The following NPAS3 variants were observed in gnomAD, a reference collection of about 807,000 sequenced individuals.
NPAS3 encodes neuronal PAS domain protein 3.
In NPAS3, 14 loss-of-function variants were observed where a neutral mutation model predicts 73.1. The ratio of observed to expected loss-of-function variants is 0.19; its 90% CI spans 0.13 to 0.30. The LOEUF (loss-of-function observed/expected upper bound fraction) is 0.30. Among genes scored for constraint, NPAS3 ranks in the 10% least tolerant of loss-of-function variants. The probability of loss-of-function intolerance (pLI) is 1.00; values close to 1 mark genes in which losing one functional copy is unlikely to be tolerated. For synonymous variants in NPAS3, 620 were observed against 541.5 expected, an observed-to-expected ratio of 1.14 and a Z score of -2.01; for missense variants, 1,096 against 1,250.0, an observed-to-expected ratio of 0.88 and a Z score of 1.86.
chr14:32,966,890 A>G (rs1386769154), intron 1 of NPAS3, among the ~76,000 whole-genome samples: 2 of 152,224 alleles, frequency 1.3e-5, no homozygotes, highest in African/African-American at 4.8e-5. Flanking sequence ...TAAGACCTCA[A>G]AAAGCACAGG....
intron 6 of NPAS3, among the ~76,000 whole-genome samples, chr14:33,687,806 A>T (rs1302389471): frequency 6.6e-6 from 1 of 152,168 alleles, no homozygotes; most frequent in African/African-American, 2.4e-5. Context: ...GCTTTGTCCT[A>T]GATTCCGGGA....
chr14:33,048,756 C>A (rs987626003), intron 1 of NPAS3, among the ~76,000 whole-genome samples: 2 of 152,214 alleles, frequency 1.3e-5, no homozygotes, highest in Non-Finnish European at 2.9e-5. Flanking sequence ...TGAGCACAGT[C>A]ATCTCAAAAT....
At chr14:33,553,747 T>A (rs570776717) in intron 4 of NPAS3, among the ~76,000 whole-genome samples, 1 of 152,366 alleles carries the variant, frequency 6.6e-6, no homozygotes, top group South Asian at 2.1e-4. Flanking sequence ...TAGATTCTTA[T>A]TCCTGAAAAT....
intron 4 of NPAS3, among the ~76,000 whole-genome samples, chr14:33,514,527 G>A (rs2053211156): frequency 6.6e-6 from 1 of 151,994 alleles, no homozygotes; most frequent in Non-Finnish European, 1.5e-5. Context: ...TAAGTAAGTT[G>A]ATGAGGAAGC....
Position 33,618,857 on chromosome 14 carries a change from A to G in NPAS3, c.559-57354A>G, listed in dbSNP as rs187897002. 3.3e-4 allele frequency among the ~76,000 whole-genome samples: 51 copies of G among 152,346 alleles called. No homozygotes were observed. In the East Asian group the frequency reaches 8.9e-3, roughly 26 times the overall value. Reference sequence around the variant, plus strand: ...TTGAATTAGCAATCAAACAAAGCAGACCTTCCGCAGTTGAAGAAGGCTCAT... The same window carrying G: ...TTGAATTAGCAATCAAACAAAGCAGGCCTTCCGCAGTTGAAGAAGGCTCAT... On this transcript the variant is annotated intron_variant, in intron 5 of 11. Transcript: ENST00000356141.
At chr14:33,649,825 A>T (rs901709684) in intron 5 of NPAS3, among the ~76,000 whole-genome samples, 2 of 152,234 alleles carry the variant, frequency 1.3e-5, no homozygotes, top group African/African-American at 2.4e-5. Flanking sequence ...ATGACAACAG[A>T]AATAATGAAG....
chr14:33,022,450 G>T (rs1347560548), intron 1 of NPAS3, among the ~76,000 whole-genome samples: 1 of 152,082 alleles, frequency 6.6e-6, no homozygotes, highest in Non-Finnish European at 1.5e-5. Flanking sequence ...GGATCACGAG[G>T]TCAGGAGATC....
intron 4 of NPAS3, among the ~76,000 whole-genome samples, chr14:33,441,765 C>A (rs772115200): frequency 8.5e-5 from 13 of 152,152 alleles, no homozygotes; most frequent in Non-Finnish European, 1.5e-4. Flanking sequence ...GGAGGCCTCA[C>A]AATCATGGCT....
At chr14:33,394,396 ACT>A (rs1312280154) in intron 4 of NPAS3, among the ~76,000 whole-genome samples, 3 of 151,994 alleles carry the variant, frequency 2.0e-5, no homozygotes, top group African/African-American at 7.3e-5. Context: ...ACTTAATATC[ACT>A]CTTTACAATA....
chr14:33,340,416 A>C (rs2044419089), intron 3 of NPAS3, among the ~76,000 whole-genome samples: 1 of 152,136 alleles, frequency 6.6e-6, no homozygotes, highest in Non-Finnish European at 1.5e-5. Flanking sequence ...AATCTCTTGA[A>C]CCTGGGAGGC....
chr14:33,308,638 A>G (rs1395623753), intron 3 of NPAS3, among the ~76,000 whole-genome samples: 1 of 150,886 alleles, frequency 6.6e-6, no homozygotes, highest in Non-Finnish European at 1.5e-5. Flanking sequence ...AGGGATATAT[A>G]TTTTATTTTT....
At chr14:33,277,701 G>A (rs1395147814) in intron 3 of NPAS3, among the ~76,000 whole-genome samples, 1 of 152,102 alleles carries the variant, frequency 6.6e-6, no homozygotes, top group Non-Finnish European at 1.5e-5. Context: ...AGCCCTCATG[G>A]GAGTAGGCTT....
chr14:33,427,766 A>C (rs1160295457), intron 4 of NPAS3, among the ~76,000 whole-genome samples: 1 of 152,114 alleles, frequency 6.6e-6, no homozygotes, highest in Non-Finnish European at 1.5e-5. Context: ...GGGCTGGCAC[A>C]TATAGGTGCT....
intron 3 of NPAS3, among the ~76,000 whole-genome samples, chr14:33,311,939 T>A (rs1217238116): frequency 6.6e-6 from 1 of 152,082 alleles, no homozygotes; most frequent in Non-Finnish European, 1.5e-5. Context: ...AGGCATGATA[T>A]GTTTTGGAGA....
At chr14:33,525,017 T>C (rs2053733955) in intron 4 of NPAS3, among the ~76,000 whole-genome samples, 1 of 152,168 alleles carries the variant, frequency 6.6e-6, no homozygotes, top group African/African-American at 2.4e-5. Context: ...CTTTAACATA[T>C]GAATTTGGGA....
Position 33,244,418 on chromosome 14 carries a change from G to A in NPAS3, c.385+28992G>A, listed in dbSNP as rs565790903. ...AGTTGGGCATTTGGAACTATATGAT[G>A]CTTCTAGGAATAAAGATTTTGAGAT... On this transcript the variant is annotated intron_variant, in intron 3 of 11. Transcript: ENST00000356141. Among the ~76,000 whole-genome samples the A allele has an allele frequency of 5.3e-5, 8 of 152,012 alleles. No homozygotes were observed. In the South Asian group the frequency reaches 1.5e-3, roughly 28 times the overall value.
chr14:33,048,984 G>C (rs537075816), intron 1 of NPAS3, among the ~76,000 whole-genome samples: 1 of 152,274 alleles, frequency 6.6e-6, no homozygotes, highest in African/African-American at 2.4e-5. Flanking sequence ...TTCTTTTACA[G>C]GACCTACAAA....
intron 3 of NPAS3, among the ~76,000 whole-genome samples, chr14:33,328,366 TTAAAA>T (rs1267797784): frequency 1.3e-5 from 2 of 150,896 alleles, no homozygotes; most frequent in African/African-American, 4.9e-5. Flanking sequence ...GTTCACTTTA[TTAAAA>T]TAATTTTATT....
intron 2 of NPAS3, among the ~76,000 whole-genome samples, chr14:33,207,940 G>T (rs763209650): frequency 1.3e-5 from 2 of 151,560 alleles, no homozygotes; most frequent in Non-Finnish European, 2.9e-5. Flanking sequence ...ATGATAATTT[G>T]CAGGAGTTTC....
Sources: gnomAD v4.1 joint callset for allele counts (sites outside exome capture counted in the v4.1 genomes callset) on GRCh38, gnomAD v4.1.1 for gene constraint, MANE v1.5 for transcripts, NCBI Gene and HGNC (gene_info 2026-07-23, HGNC 2026-07-21) for gene names.